The following FGF8 variants were observed in gnomAD, a reference collection of about 807,000 sequenced individuals.
The protein encoded by FGF8 is fibroblast growth factor 8, also known as androgen-induced growth factor.
In FGF8, 12 loss-of-function variants were observed where a neutral mutation model predicts 29.7. The ratio of observed to expected loss-of-function variants is 0.40; its 90% CI spans 0.26 to 0.65. The LOEUF (loss-of-function observed/expected upper bound fraction) is 0.65. FGF8 is among the 30% of genes least tolerant of loss of function. The pLI is 0.37. For synonymous variants in FGF8, 157 were observed against 144.4 expected (o/e 1.09, Z -0.63); for missense variants, 271 against 345.1 (o/e 0.79, Z 1.70).
chr10:101,772,967 G>A lies in FGF8; in HGVS notation c.338-1398C>T, dbSNP rs920579612. 1.1e-4 allele frequency among the ~76,000 whole-genome samples: 16 copies of A among 152,200 alleles called. No individual in the cohort carries two copies. Among genetic ancestry groups the A allele is most frequent in the African/African-American group, 3.6e-4 (15 of 41,450 alleles). On this transcript the variant is annotated intron_variant, in intron 4 of 5. Transcript: ENST00000320185. The surrounding 1 kb of genome is among the most constrained non-coding windows in gnomAD (Gnocchi z 4.4). ...AAGGATGCTGACTGGAGGAGTGAGAGGATGCCACTCTGGGGATTCTGGCCA... is the reference window on the plus strand; with the variant it reads ...AAGGATGCTGACTGGAGGAGTGAGAAGATGCCACTCTGGGGATTCTGGCCA...
In FGF8 at chr10:101,776,051, C is replaced by G; in HGVS notation, c.-151G>C. 1 of 292,730 alleles carries G rather than the reference C, an allele frequency of 3.4e-6. No homozygotes were observed. Among genetic ancestry groups the G allele is most frequent in the Non-Finnish European group, 5.5e-6 (1 of 180,418 alleles). 18.1% of individuals were successfully genotyped at this position (292,730 alleles called of 1,614,324 possible). ...ACGCGGCTCCGCGGGTCCCGTGGAA[C>G]GTCGTGCTCGCCGCGCCGCACCGAA... On this transcript the variant is annotated 5_prime_UTR_variant, in exon 1 of 6. Coordinates refer to ENST00000320185, the MANE Select transcript of FGF8 (RefSeq NM_033163.5).
chr10:101,776,777 G>C (rs954819829), upstream of FGF8, among the ~76,000 whole-genome samples: 1 of 151,878 alleles, frequency 6.6e-6, no homozygotes, highest in Non-Finnish European at 1.5e-5. Flanking sequence ...ACTCTCCCGA[G>C]GAGGCCCTGG....
rs1435320255 is a variant in FGF8, at chr10:101,776,092, G to T, written c.-192C>A. ...CCGCACCGAATCGCTGTGCGCCGCT[G>T]CCGGAGCCGGTGGCCGCTGGCTGCT... On this transcript the variant is annotated 5_prime_UTR_variant, in exon 1 of 6. Transcript: ENST00000320185. 4.9e-6 allele frequency: 1 copy of T among 202,434 alleles called. No individual in the cohort carries two copies. Among genetic ancestry groups the T allele is most frequent in the East Asian group, 1.4e-4 (1 of 6,912 alleles). 12.5% of individuals were successfully genotyped at this position (202,434 alleles called of 1,614,324 possible).
upstream of FGF8, among the ~76,000 whole-genome samples, chr10:101,776,696 C>G (rs938928287): frequency 2.0e-5 from 3 of 152,118 alleles, no homozygotes; most frequent in Non-Finnish European, 4.4e-5. Context: ...CAGTGCGTGC[C>G]GGTGCCACCC....
At chr10:101,778,755 G>A (rs1328956389), upstream of FGF8, among the ~76,000 whole-genome samples, 8 of 152,200 alleles carry the variant, frequency 5.3e-5, no homozygotes, top group Non-Finnish European at 8.8e-5. Context: ...GGCACGCCCC[G>A]TGACTGACAG....
rs925372221 is a variant in FGF8, at chr10:101,772,219, A to G, written c.338-650T>C. 1.1e-4 allele frequency among the ~76,000 whole-genome samples: 17 copies of G among 152,184 alleles called. No individual in the cohort carries two copies. Among genetic ancestry groups the G allele is most frequent in the Non-Finnish European group, 1.8e-4 (12 of 68,022 alleles). ...GCAGGCTGCTTTCCCAGAACCTCAG[A>G]CACCTGCCAGGAGGATCCTGCCTCT... On this transcript the variant is annotated intron_variant, in intron 4 of 5. Transcript: ENST00000320185. The surrounding 1 kb of genome is among the most constrained non-coding windows in gnomAD (Gnocchi z 4.4).
upstream of FGF8, chr10:101,776,187 G>GT (rs1261817451): frequency 8.4e-6 from 1 of 118,458 alleles, no homozygotes; most frequent in Non-Finnish European, 1.8e-5. Flanking sequence ...GCGGGGAGGG[G>GT]TGGGGGCGGG....
chr10:101,776,675 C>T (rs1564633591), upstream of FGF8, among the ~76,000 whole-genome samples: 1 of 152,052 alleles, frequency 6.6e-6, no homozygotes, highest in African/African-American at 2.4e-5. Flanking sequence ...GCTGCGCACC[C>T]GGCCCTCGCG....
At chr10:101,774,683 G>T in intron 4 of FGF8, 49 bp downstream of exon 4, 1 of 1,527,230 alleles carries the variant, frequency 6.5e-7, no homozygotes, top group Non-Finnish European at 9.0e-7. Flanking sequence ...AGTTGGGACT[G>T]GTGGTCCAGG....
chr10:101,774,396 G>A (rs2065061355), intron 4 of FGF8, among the ~76,000 whole-genome samples: 1 of 152,144 alleles, frequency 6.6e-6, no homozygotes, highest in Non-Finnish European at 1.5e-5. Flanking sequence ...GGGCCCTGGC[G>A]ACATATCCTC....
Position 101,775,321 on chromosome 10 carries a change from G to T in FGF8, c.70-105C>A. On this transcript the variant is annotated intron_variant, in intron 2 of 5. Coordinates refer to ENST00000320185, the MANE Select transcript of FGF8 (RefSeq NM_033163.5). The surrounding 1 kb of genome is among the most constrained non-coding windows in gnomAD (Gnocchi z 4.6). The stretch of plus-strand genomic sequence containing the variant: ...AATGTTGAGAGTGCAGGGAACCTGG[G>T]CACCCGATCATTGGGCCAAATCGGC... The T allele has an allele frequency of 2.4e-6, 2 of 838,162 alleles. 1 individual carries two copies. Among genetic ancestry groups the T allele is most frequent in the South Asian group, 2.9e-5 (2 of 67,932 alleles). 51.9% of individuals were successfully genotyped at this position (838,162 alleles called of 1,614,324 possible).
chr10:101,776,339 G>A (rs993013865), upstream of FGF8, among the ~76,000 whole-genome samples: 3 of 149,738 alleles, frequency 2.0e-5, no homozygotes, highest in African/African-American at 7.4e-5. Flanking sequence ...CGGGATTGAG[G>A]GTCTGGGCTA....
At chr10:101,776,657 AG>A (rs2065098779), upstream of FGF8, among the ~76,000 whole-genome samples, 1 of 151,864 alleles carries the variant, frequency 6.6e-6, no homozygotes, top group African/African-American at 2.4e-5. Context: ...CTAACCATGC[AG>A]CGAATGGCTG....
upstream of FGF8, among the ~76,000 whole-genome samples, chr10:101,777,436 C>G (rs1006095990): frequency 4.6e-5 from 7 of 152,352 alleles, no homozygotes; most frequent in African/African-American, 1.7e-4. Flanking sequence ...AGCGGCAGCC[C>G]TAGTCCAGCA....
In FGF8 at chr10:101,775,942, C is replaced by A. The variant is rs2065085709; in HGVS notation, c.-42G>T. ...GCACCGAGAGCCCGGCGGGTCACGC[C>A]GTCCCGCGGGCCGCCGCGGGAGGAC... On this transcript the variant is annotated 5_prime_UTR_variant, in exon 1 of 6. Coordinates refer to ENST00000320185, the MANE Select transcript of FGF8 (RefSeq NM_033163.5). The surrounding 1 kb of genome is among the most constrained non-coding windows in gnomAD (Gnocchi z 4.6). The A allele has an allele frequency of 9.3e-6, 11 of 1,179,100 alleles. No individual in the cohort carries two copies. Among genetic ancestry groups the A allele is most frequent in the Non-Finnish European group, 1.2e-5 (11 of 956,334 alleles). The allele number at this position is 1,179,100 out of a possible 1,614,324, so 73.0% of individuals were successfully genotyped here.
Position 101,775,936 on chromosome 10 carries a change from T to G in FGF8, c.-36A>C. 8.4e-7 allele frequency: 1 copy of G among 1,191,880 alleles called. No homozygotes were observed. The highest frequency in any genetic ancestry group is 3.7e-5 in the East Asian group (1 of 27,236). 73.8% of individuals were successfully genotyped at this position (1,191,880 alleles called of 1,614,324 possible). ...CCCGGGGCACCGAGAGCCCGGCGGGTCACGCCGTCCCGCGGGCCGCCGCGG... is the reference window on the plus strand; with the variant it reads ...CCCGGGGCACCGAGAGCCCGGCGGGGCACGCCGTCCCGCGGGCCGCCGCGG... On this transcript the variant is annotated 5_prime_UTR_variant, in exon 1 of 6. Coordinates refer to ENST00000320185, the MANE Select transcript of FGF8 (RefSeq NM_033163.5). This position sits in a 1 kb window ranked among gnomAD's most constrained non-coding sequence, Gnocchi z 4.6.
rs143649717 is a variant in FGF8 at position 101,771,435 on chromosome 10, G to A, written c.444+28C>T. 4.4e-5 allele frequency: 69 copies of A among 1,569,156 alleles called. No homozygotes were observed. The highest frequency in any genetic ancestry group is 3.0e-4 in the Admixed American group (18 of 59,968). ...GCCCAAGCCACTCCCTAGGTCCCGC[G>A]GACCCCACCTGCCTGCTGGGGCCTC... On this transcript the variant is annotated intron_variant, in intron 5 of 5. Transcript: ENST00000320185. The surrounding 1 kb of genome is among the most constrained non-coding windows in gnomAD (Gnocchi z 5.3).
At position 101,775,857 on chromosome 10, in the gene FGF8, C is replaced by T. The variant is rs769442062; in HGVS notation, c.32+12G>A. The T allele has an allele frequency of 1.3e-5, 19 of 1,504,970 alleles. No individual in the cohort carries two copies. The highest frequency in any genetic ancestry group is 1.7e-5 in the Non-Finnish European group (19 of 1,132,242). 93.2% of individuals were successfully genotyped at this position (1,504,970 alleles called of 1,614,324 possible). A position where few individuals can be genotyped will look rare whatever the true frequency, so the allele number is the denominator to read the frequency against. On this transcript the variant is annotated intron_variant, in intron 1 of 5. Coordinates refer to ENST00000320185, the MANE Select transcript of FGF8 (RefSeq NM_033163.5). This position sits in a 1 kb window ranked among gnomAD's most constrained non-coding sequence, Gnocchi z 4.6. ...GGGGGCGGGTGGCGGGGCAGGGCGGCGCGGTACTCACAGGCAGCTCAGCGC... is the reference window on the plus strand; with the variant it reads ...GGGGGCGGGTGGCGGGGCAGGGCGGTGCGGTACTCACAGGCAGCTCAGCGC...
At chr10:101,779,372 C>T (rs2065124627), upstream of FGF8, among the ~76,000 whole-genome samples, 1 of 152,250 alleles carries the variant, frequency 6.6e-6, no homozygotes, top group South Asian at 2.1e-4. This position sits in a 1 kb window ranked among gnomAD's most constrained non-coding sequence, Gnocchi z 5.7. Context: ...CAAACCCCGG[C>T]GTATGCCTTC....
Sources: allele counts gnomAD v4.1 joint callset (sites outside exome capture counted in the v4.1 genomes callset), GRCh38; gene constraint gnomAD v4.1.1; non-coding constraint Gnocchi (gnomAD v3.1); transcripts MANE v1.5; gene names NCBI Gene and HGNC (gene_info 2026-07-23, HGNC 2026-07-21).